Variants in KLKB1 observed in about 807,000 individuals in gnomAD.
KLKB1 encodes the protein kallikrein B1, also known as plasma kallikrein.
KLKB1 carries 58 observed loss-of-function variants against 73.6 expected under a neutral mutation model. The observed-to-expected ratio is 0.79, with a 90% CI of 0.64 to 0.98. The LOEUF (loss-of-function observed/expected upper bound fraction) is 0.98. Ranked by LOEUF, KLKB1 falls within the 50% of genes least tolerant of loss-of-function variation. The pLI is 0.00. For missense variants in KLKB1, 737 were observed against 763.8 expected (o/e 0.96, Z 0.41); for synonymous variants, 280 against 258.1 (o/e 1.08, Z -0.81).
chr4:186,257,912 C>CTG lies in KLKB1; in HGVS notation c.1726-97_1726-96dup, dbSNP rs4253389. Reference sequence around the variant, plus strand: ...TCTCTACAAAAAAATATGAAAGTATCTGTGTGTGTGTGTTGCTGTGTAGTG... The same window carrying CTG: ...TCTCTACAAAAAAATATGAAAGTATCTGTGTGTGTGTGTGTTGCTGTGTAGTG... On this transcript the variant is annotated intron_variant, in intron 14 of 14. Transcript: ENST00000264690. The CTG allele has an allele frequency of 1.3e-3, 1,277 of 957,704 alleles. 6 individuals carry two copies. The African/African-American group carries it at 0.014, about 10-fold the overall frequency. 59.3% of individuals were successfully genotyped at this position (957,704 alleles called of 1,614,324 possible). A position where few individuals can be genotyped will look rare whatever the true frequency, so the allele number is the denominator to read the frequency against.
chr4:186,223,381 C>T (rs1737071698), upstream of KLKB1, among the ~76,000 whole-genome samples: 1 of 152,160 alleles, frequency 6.6e-6, no homozygotes, highest in Non-Finnish European at 1.5e-5. Context: ...TTTGAAACTT[C>T]CTAGAGACTT....
chr4:186,229,367 A>G (rs1346990236), intron 2 of KLKB1, among the ~76,000 whole-genome samples: 1 of 152,188 alleles, frequency 6.6e-6, no homozygotes, highest in Non-Finnish European at 1.5e-5. Context: ...ATTTTTCTAC[A>G]TATACCTATT....
intron 13 of KLKB1, among the ~76,000 whole-genome samples, chr4:186,256,697 G>A (rs546946930): frequency 6.6e-6 from 1 of 152,222 alleles, no homozygotes; most frequent in South Asian, 2.1e-4. Context: ...AAAAACAAAA[G>A]ACCCCTCTGT....
chr4:186,230,954 G>A (rs1737372732), intron 2 of KLKB1, among the ~76,000 whole-genome samples: 1 of 152,164 alleles, frequency 6.6e-6, no homozygotes, highest in Non-Finnish European at 1.5e-5. Flanking sequence ...TCCACTTGAA[G>A]AGATCTGTGC....
chr4:186,241,615 G>GT (rs907522175), intron 6 of KLKB1, among the ~76,000 whole-genome samples: 4 of 152,108 alleles, frequency 2.6e-5, no homozygotes, highest in African/African-American at 9.7e-5. Context: ...TTCCTACCAT[G>GT]TGACTTATTA....
At chr4:186,255,646 A>T (rs545156341) in intron 12 of KLKB1, among the ~76,000 whole-genome samples, 2 of 152,222 alleles carry the variant, frequency 1.3e-5, no homozygotes, top group Non-Finnish European at 2.9e-5. Context: ...AATAATTAAT[A>T]CATCAAAGCA....
Position 186,238,283 on chromosome 4 carries a change from C to G in KLKB1, c.516C>G (p.Pro172=). Residue 172 remains proline, a synonymous_variant, in exon 6 of 15, where the codon CCC becomes CCG. Transcript: ENST00000264690. The part of the protein sequence containing the change: ...YRNNCLLKYS[P]GGTPTAIKVL... ...ACAATTGCCTATTAAAGTACAGTCC[C>G]GGAGGAACACCTACCGCTATAAAGG... is the stretch of plus-strand genomic sequence containing the variant. 1 of 1,613,554 alleles carries G rather than the reference C, an allele frequency of 6.2e-7. No individual in the cohort carries two copies. Among genetic ancestry groups the G allele is most frequent in the Non-Finnish European group, 8.5e-7 (1 of 1,179,546 alleles).
chr4:186,242,352 GA>G (rs1738099487), intron 6 of KLKB1, among the ~76,000 whole-genome samples: 1 of 152,124 alleles, frequency 6.6e-6, no homozygotes, highest in South Asian at 2.1e-4. Context: ...ATAAGAAAAA[GA>G]AAACGAAATA....
intron 2 of KLKB1, among the ~76,000 whole-genome samples, chr4:186,218,386 C>G (rs1286108534): frequency 6.6e-6 from 1 of 152,186 alleles, no homozygotes; most frequent in Non-Finnish European, 1.5e-5. Flanking sequence ...GTTTCAACTA[C>G]ATGCCACTAA....
chr4:186,236,691 C>G, intron 4 of KLKB1, 90 bp from the exon 5 acceptor site: 1 of 1,361,966 alleles, frequency 7.3e-7, no homozygotes, highest in Non-Finnish European at 1.0e-6. Context: ...TATTATCATT[C>G]TAAACTACCA....
At chr4:186,238,726 C>G (rs1445447009) in intron 6 of KLKB1, among the ~76,000 whole-genome samples, 1 of 152,154 alleles carries the variant, frequency 6.6e-6, no homozygotes. Context: ...AAAGAGTTTC[C>G]CTGTGGAGCG....
intron 3 of KLKB1, 128 bp downstream of exon 3, chr4:186,232,417 C>T (rs1192043016): frequency 2.1e-4 from 178 of 837,472 alleles, no homozygotes; most frequent in East Asian, 2.6e-5. Context: ...AGCAAAATCC[C>T]GTCAAGTGGT....
At chr4:186,220,595 C>T (rs1737013759) in intron 2 of KLKB1, among the ~76,000 whole-genome samples, 1 of 152,118 alleles carries the variant, frequency 6.6e-6, no homozygotes, top group Non-Finnish European at 1.5e-5. Context: ...TTTTATCCTT[C>T]ATTTTGTGAA....
At chr4:186,213,775 G>A (rs72647307) in intron 2 of KLKB1, among the ~76,000 whole-genome samples, 17 of 152,136 alleles carry the variant, frequency 1.1e-4, no homozygotes, top group Admixed American at 2.6e-4. Context: ...GATGCTGGTC[G>A]TAAAAATCCA....
chr4:186,213,811 A>G (rs1176338013), intron 2 of KLKB1, among the ~76,000 whole-genome samples: 1 of 152,218 alleles, frequency 6.6e-6, no homozygotes, highest in African/African-American at 2.4e-5. Context: ...TTTCTAGAAG[A>G]TCAAAACCTT....
chr4:186,258,060 A>T lies in KLKB1; in HGVS notation c.1765A>T (p.Met589Leu), dbSNP rs751036192. 1 of 1,614,064 alleles carries T rather than the reference A, an allele frequency of 6.2e-7. No homozygotes were observed. The highest frequency in any genetic ancestry group is 8.5e-7 in the Non-Finnish European group (1 of 1,179,972). The change falls in exon 15 of 15, where the codon ATG becomes TTG. Residue 589 changes from methionine (M) to leucine (L), a missense_variant. Coordinates refer to ENST00000264690, the MANE Select transcript of KLKB1 (RefSeq NM_000892.5). The stretch of plus-strand genomic sequence containing the variant: ...TCCCTTAGTTTGCAAACACAATGGA[A>T]TGTGGCGTTTGGTGGGCATCACCAG... Reference protein sequence around the residue: ...GGPLVCKHNGMWRLVGITSWG... With the variant: ...GGPLVCKHNGLWRLVGITSWG...
In KLKB1 at chr4:186,238,303, T is replaced by A; in HGVS notation, c.536T>A (p.Ile179Lys). 1.2e-6 allele frequency: 2 copies of A among 1,614,028 alleles called. No individual in the cohort carries two copies. The highest frequency in any genetic ancestry group is 1.1e-5 in the South Asian group (1 of 91,084). ...KYSPGGTPTA[I>K]KVLSNVESGF... ...AGTCCCGGAGGAACACCTACCGCTA[T>A]AAAGGTGCTGAGTAACGTGGAATCT... The change falls in exon 6 of 15, where the codon ATA becomes AAA. Residue 179 changes from isoleucine to lysine, a missense_variant. Transcript: ENST00000264690.
At chr4:186,215,909 C>T (rs930256368) in intron 2 of KLKB1, among the ~76,000 whole-genome samples, 1 of 152,172 alleles carries the variant, frequency 6.6e-6, no homozygotes, top group Non-Finnish European at 1.5e-5. Flanking sequence ...TGACTCCCAT[C>T]AATAATGCTT....
chr4:186,226,213 T>C (rs949685696), upstream of KLKB1, among the ~76,000 whole-genome samples: 5 of 132,670 alleles, frequency 3.8e-5, no homozygotes, highest in African/African-American at 1.5e-4. Flanking sequence ...TTGTAGCTTA[T>C]TGAGCTTTCT....
Sources: gnomAD v4.1 joint callset for allele counts (sites outside exome capture counted in the v4.1 genomes callset) on GRCh38, gnomAD v4.1.1 for gene constraint, MANE v1.5 for transcripts, NCBI Gene and HGNC (gene_info 2026-07-23, HGNC 2026-07-21) for gene names.